Variants in MEGF10 observed in about 807,000 individuals in gnomAD.
MEGF10 encodes multiple epidermal growth factor-like domains protein 10.
Under a neutral mutation model 147.5 loss-of-function variants are expected in MEGF10, and 86 were observed. The observed-to-expected ratio is 0.58, with a 90% CI of 0.49 to 0.70. The LOEUF (loss-of-function observed/expected upper bound fraction) is 0.70. Among genes scored for constraint, MEGF10 ranks in the 30% least tolerant of loss-of-function variants. The probability of loss-of-function intolerance (pLI) is 0.00; values close to 1 mark genes in which losing one functional copy is unlikely to be tolerated. For synonymous variants in MEGF10, 478 were observed against 525.5 expected, an observed-to-expected ratio of 0.91 and a Z score of 1.24; for missense variants, 1,329 against 1,487.3, an observed-to-expected ratio of 0.89 and a Z score of 1.75.
chr5:127,240,081 G>C, the MEGF10 span, among the ~76,000 whole-genome samples: 5 of 152,108 alleles, frequency 3.3e-5, no homozygotes, highest in Non-Finnish European at 5.9e-5. Flanking sequence ...TCACTCACAG[G>C]CTCCTTTCCC....
chr5:127,415,896 C>CAAA (rs1156648076), intron 9 of MEGF10, among the ~76,000 whole-genome samples: 27 of 55,530 alleles, frequency 4.9e-4, no homozygotes, highest in Non-Finnish European at 5.6e-4. Context: ...GACTCCATCT[C>CAAA]AAAAAAAAAA....
At chr5:127,340,498 A>T in intron 3 of MEGF10, 32 bp from the exon 4 acceptor site, 1 of 1,562,466 alleles carries the variant, frequency 6.4e-7, no homozygotes, top group Non-Finnish European at 8.8e-7. Flanking sequence ...GACTTTTATT[A>T]TGTTTAATAG....
At chr5:127,289,178 C>T (rs550183049), upstream of MEGF10, among the ~76,000 whole-genome samples, 1 of 152,234 alleles carries the variant, frequency 6.6e-6, no homozygotes, top group South Asian at 2.1e-4. Flanking sequence ...TTATTCAAAA[C>T]TCATGAAGCT....
the MEGF10 span, among the ~76,000 whole-genome samples, chr5:127,253,846 T>C: frequency 2.6e-5 from 4 of 152,104 alleles, no homozygotes; most frequent in African/African-American, 7.2e-5. Context: ...ATTAGAAAGA[T>C]GTCAGTTCTC....
chr5:127,263,953 T>C, the MEGF10 span, among the ~76,000 whole-genome samples: 1 of 152,152 alleles, frequency 6.6e-6, no homozygotes, highest in African/African-American at 2.4e-5. Flanking sequence ...AGAAATAGAC[T>C]GTGGGAAGAG....
the MEGF10 span, among the ~76,000 whole-genome samples, chr5:127,247,469 A>AGAAGAAGAAGAAGAAGAAAGAG: frequency 6.7e-6 from 1 of 148,448 alleles, no homozygotes; most frequent in East Asian, 2.0e-4. Context: ...AAGAAGAAGA[A>AGAAGAAGAAGAAGAAGAAAGAG]GAAGAAGAAG....
At chr5:127,319,404 T>C (rs930668541) in intron 1 of MEGF10, among the ~76,000 whole-genome samples, 30 of 152,152 alleles carry the variant, frequency 2.0e-4, no homozygotes, top group African/African-American at 7.2e-4. Flanking sequence ...CTAGTTTTTC[T>C]TTTCTTAAAA....
At chr5:127,369,520 A>G (rs1190116752) in intron 4 of MEGF10, among the ~76,000 whole-genome samples, 1 of 151,774 alleles carries the variant, frequency 6.6e-6, no homozygotes, top group Non-Finnish European at 1.5e-5. Flanking sequence ...CTCCCCATCT[A>G]CTCTGTCACT....
At chr5:127,292,326 A>T (rs965897555) in intron 1 of MEGF10, among the ~76,000 whole-genome samples, 1 of 152,248 alleles carries the variant, frequency 6.6e-6, no homozygotes, top group Non-Finnish European at 1.5e-5. Flanking sequence ...TAATAATAGC[A>T]CTTACATCAG....
chr5:127,377,560 G>C (rs1763079945), intron 5 of MEGF10, among the ~76,000 whole-genome samples: 1 of 152,192 alleles, frequency 6.6e-6, no homozygotes, highest in African/African-American at 2.4e-5. Flanking sequence ...ACATTTTCAG[G>C]TGCAGCGTAA....
intron 4 of MEGF10, among the ~76,000 whole-genome samples, chr5:127,364,234 A>G (rs568828182): frequency 6.6e-6 from 1 of 152,306 alleles, no homozygotes; most frequent in East Asian, 1.9e-4. Context: ...GAACATTTTC[A>G]TCATCTCAAT....
intron 22 of MEGF10, among the ~76,000 whole-genome samples, chr5:127,450,967 C>G (rs1766135404): frequency 6.6e-6 from 1 of 152,088 alleles, no homozygotes; most frequent in Non-Finnish European, 1.5e-5. Flanking sequence ...CCATGTTGGC[C>G]AGGCTGGTCT....
chr5:127,444,131 G>C lies in MEGF10; in HGVS notation c.2491+1005G>C, dbSNP rs142534321. ...GGACTTTGAGAAAGTGCTTCTGATG[G>C]TTCTGAAGCATGCCCTCCAGAGAGC... On this transcript the variant is annotated intron_variant, in intron 19 of 24. Coordinates refer to ENST00000503335, the MANE Select transcript of MEGF10 (RefSeq NM_001256545.2). 7.6e-4 allele frequency among the ~76,000 whole-genome samples: 116 copies of C among 152,274 alleles called. 1 individual carries two copies. The Middle Eastern group carries it at 0.014, about 18-fold the overall frequency.
intron 5 of MEGF10, among the ~76,000 whole-genome samples, chr5:127,388,826 T>G (rs1763539013): frequency 1.3e-5 from 2 of 152,216 alleles, no homozygotes; most frequent in African/African-American, 4.8e-5. Context: ...ATTGCAGGCA[T>G]GAGCCACTGC....
chr5:127,315,489 A>C (rs1260087225), intron 1 of MEGF10, among the ~76,000 whole-genome samples: 1 of 152,168 alleles, frequency 6.6e-6, no homozygotes, highest in African/African-American at 2.4e-5. Context: ...AAAATATATG[A>C]ATCTTGCCGG....
chr5:127,239,373 G>T, the MEGF10 span, among the ~76,000 whole-genome samples: 1 of 115,908 alleles, frequency 8.6e-6, no homozygotes. Flanking sequence ...ATAGATGATG[G>T]AAGACACACA....
At chr5:127,424,352 A>G (rs1324811610) in intron 13 of MEGF10, 3 of 718,980 alleles carry the variant, frequency 4.2e-6, no homozygotes, top group Non-Finnish European at 7.5e-6. Flanking sequence ...TGTTTTGACT[A>G]TTCTGGGTCC....
chr5:127,395,790 C>T (rs1015193678), intron 5 of MEGF10, among the ~76,000 whole-genome samples: 12 of 152,034 alleles, frequency 7.9e-5, no homozygotes, highest in Admixed American at 5.2e-4. Context: ...GTGATCCTCC[C>T]GTCTCGGCCT....
chr5:127,420,280 A>AT, intron 12 of MEGF10, 73 bp downstream of exon 12: 5 of 1,528,226 alleles, frequency 3.3e-6, no homozygotes, highest in Non-Finnish European at 4.4e-6. Context: ...TTCTTTTTGC[A>AT]TTTTTCCTGA....
Sources: gnomAD v4.1 joint callset for allele counts (sites outside exome capture counted in the v4.1 genomes callset) on GRCh38, gnomAD v4.1.1 for gene constraint, MANE v1.5 for transcripts, NCBI Gene and HGNC (gene_info 2026-07-23, HGNC 2026-07-21) for gene names.